The following LRBA variants were observed in gnomAD, a reference collection of about 807,000 sequenced individuals.
LRBA encodes the protein LPS responsive beige-like anchor protein, also known as lipopolysaccharide-responsive and beige-like anchor protein.
LRBA carries 176 observed loss-of-function variants against 330.0 expected under a neutral mutation model. The ratio of observed to expected loss-of-function variants is 0.53; its 90% CI spans 0.47 to 0.60. LRBA has a LOEUF of 0.60. LRBA is among the 20% of genes least tolerant of loss of function. LRBA has a pLI of 0.00. For synonymous variants in LRBA, 1,230 were observed against 1,193.0 expected, an observed-to-expected ratio of 1.03 and a Z score of -0.64; for missense variants, 3,259 against 3,444.8, an observed-to-expected ratio of 0.95 and a Z score of 1.35.
At chr4:150,378,751 C>G (rs961564442) in intron 47 of LRBA, among the ~76,000 whole-genome samples, 3 of 152,090 alleles carry the variant, frequency 2.0e-5, no homozygotes, top group Non-Finnish European at 4.4e-5. Context: ...CCTGCCATAA[C>G]CACATGATGA....
chr4:150,788,239 A>AT lies in LRBA; in HGVS notation c.5580+9841dup, dbSNP rs377479266. On this transcript the variant is annotated intron_variant, in intron 34 of 56. Transcript: ENST00000651943. ...AGGCACACACTACCACACCCGGTTA[A>AT]TTTTTTTTTTTTTTTTTTTTTTTTT... 1.9e-3 allele frequency among the ~76,000 whole-genome samples: 229 copies of AT among 123,182 alleles called. 2 individuals carry two copies. Among genetic ancestry groups the AT allele is most frequent in the East Asian group, 9.7e-3 (42 of 4,350 alleles). The allele number at this position is 123,182 out of a possible 152,430, so 80.8% of individuals were successfully genotyped here.
At chr4:150,720,556 A>T (rs547512358) in intron 36 of LRBA, among the ~76,000 whole-genome samples, 1 of 152,278 alleles carries the variant, frequency 6.6e-6, no homozygotes, top group African/African-American at 2.4e-5. Context: ...AAGGCTAAGG[A>T]TCAAAGAAAG....
At chr4:151,008,969 CAAA>C (rs1216990774) in intron 2 of LRBA, among the ~76,000 whole-genome samples, 84 of 1,876 alleles carry the variant, frequency 0.045, 2 homozygotes, top group South Asian at 0.17. Flanking sequence ...GACTCCATCT[CAAA>C]AAAAAAAAAA....
intron 22 of LRBA, among the ~76,000 whole-genome samples, chr4:150,861,270 G>GGGGTGTGTGTGTGTGTGTGT (rs1553984658): frequency 2.2e-5 from 3 of 137,814 alleles, no homozygotes; most frequent in African/African-American, 8.3e-5. Context: ...CCCAGCTAAT[G>GGGGTGTGTGTGTGTGTGTGT]GTGTGTGTGT....
chr4:150,690,451 C>T (rs1002379116), intron 36 of LRBA, among the ~76,000 whole-genome samples: 1 of 150,458 alleles, frequency 6.6e-6, no homozygotes, highest in African/African-American at 2.5e-5. Flanking sequence ...TGCAGTGAGC[C>T]GAGATCACGC....
chr4:150,527,418 A>T (rs1763594794), intron 40 of LRBA, among the ~76,000 whole-genome samples: 1 of 152,200 alleles, frequency 6.6e-6, no homozygotes, highest in Non-Finnish European at 1.5e-5. Flanking sequence ...CAGACTAAAG[A>T]TTATTTCAGA....
At chr4:150,631,848 A>G (rs1777408277) in intron 37 of LRBA, among the ~76,000 whole-genome samples, 1 of 152,232 alleles carries the variant, frequency 6.6e-6, no homozygotes, top group Non-Finnish European at 1.5e-5. Flanking sequence ...GTACATCCAC[A>G]TGGAAAAATC....
chr4:150,553,553 C>T (rs1766898465), intron 40 of LRBA, among the ~76,000 whole-genome samples: 1 of 152,120 alleles, frequency 6.6e-6, no homozygotes, highest in South Asian at 2.1e-4. Flanking sequence ...GTTGGGAACC[C>T]TTGCCTTAGA....
At chr4:150,377,705 C>T (rs1741556686) in intron 47 of LRBA, among the ~76,000 whole-genome samples, 1 of 152,016 alleles carries the variant, frequency 6.6e-6, no homozygotes, top group South Asian at 2.1e-4. Context: ...TAAATCAATG[C>T]CTCATTTATA....
intron 40 of LRBA, chr4:150,579,410 T>C: frequency 2.2e-6 from 1 of 444,730 alleles, no homozygotes. Flanking sequence ...GGAGCATTAT[T>C]TGCTGGAAGT....
At chr4:150,929,929 C>T (rs182527948) in intron 2 of LRBA, among the ~76,000 whole-genome samples, 2 of 152,192 alleles carry the variant, frequency 1.3e-5, no homozygotes, top group African/African-American at 2.4e-5. Context: ...GATTCACCTA[C>T]GCTTCTTTCT....
At chr4:150,950,574 CA>C (rs35609214) in intron 2 of LRBA, among the ~76,000 whole-genome samples, 251 of 147,376 alleles carry the variant, frequency 1.7e-3, no homozygotes, top group Non-Finnish European at 1.9e-3. Context: ...TTTTCTCCAC[CA>C]AAAAAAAAAA....
At chr4:150,532,914 C>T (rs1764200949) in intron 40 of LRBA, among the ~76,000 whole-genome samples, 1 of 152,044 alleles carries the variant, frequency 6.6e-6, no homozygotes, top group African/African-American at 2.4e-5. Context: ...AGGAAAAAAA[C>T]TATCCTTTTG....
intron 47 of LRBA, among the ~76,000 whole-genome samples, chr4:150,378,229 T>G (rs1254639329): frequency 2.0e-5 from 3 of 152,168 alleles, no homozygotes; most frequent in African/African-American, 7.2e-5. Flanking sequence ...TGTACTCCAT[T>G]GAGTATAATA....
At chr4:150,988,459 T>C (rs1741696181) in intron 2 of LRBA, among the ~76,000 whole-genome samples, 1 of 152,198 alleles carries the variant, frequency 6.6e-6, no homozygotes, top group African/African-American at 2.4e-5. Context: ...CATGATGTCA[T>C]TAGTTAAAAT....
intron 21 of LRBA, 48 bp from the exon 22 acceptor site, chr4:150,867,911 C>G: frequency 6.9e-7 from 1 of 1,448,646 alleles, no homozygotes; most frequent in South Asian, 1.3e-5. Flanking sequence ...AAAAAATTAT[C>G]TAAAATAAAT....
intron 44 of LRBA, among the ~76,000 whole-genome samples, chr4:150,465,038 G>T (rs112526427): frequency 0.018 from 2,776 of 151,950 alleles, 31 homozygotes; most frequent in Non-Finnish European, 0.029. Flanking sequence ...CCTATTACAT[G>T]AAACACTAAC....
chr4:150,582,365 G>C (rs1771483135), intron 40 of LRBA: 1 of 151,888 alleles, frequency 6.6e-6, no homozygotes, highest in Non-Finnish European at 1.5e-5. Context: ...CCCGAGAAGA[G>C]ACGAGACCAA....
intron 40 of LRBA, chr4:150,581,230 T>C: frequency 2.9e-6 from 1 of 344,964 alleles, no homozygotes; most frequent in Non-Finnish European, 5.8e-6. Flanking sequence ...GAAATAATTA[T>C]CAAACAAGGT....
Sources: allele counts gnomAD v4.1 joint callset (sites outside exome capture counted in the v4.1 genomes callset), GRCh38; gene constraint gnomAD v4.1.1; transcripts MANE v1.5; gene names NCBI Gene and HGNC (gene_info 2026-07-23, HGNC 2026-07-21).